Variants in ALK observed in about 807,000 individuals in gnomAD.
The protein encoded by ALK is ALK receptor tyrosine kinase.
ALK carries 74 observed loss-of-function variants against 163.1 expected under a neutral mutation model. That is an observed-to-expected ratio of 0.45 (90% CI 0.38 to 0.55). ALK has a LOEUF of 0.55. Ranked by LOEUF, ALK falls within the 20% of genes least tolerant of loss-of-function variation. The pLI is 0.00. For missense variants in ALK, 2,063 were observed against 2,105.3 expected (o/e 0.98, Z 0.39); for synonymous variants, 960 against 843.2 (o/e 1.14, Z -2.40).
chr2:29,852,291 T>C (rs1339339540), intron 1 of ALK, among the ~76,000 whole-genome samples: 1 of 152,072 alleles, frequency 6.6e-6, no homozygotes, highest in African/African-American at 2.4e-5. Flanking sequence ...CAGCAGACAA[T>C]GGGAGGTATA....
chr2:29,506,480 C>A (rs902581719), intron 4 of ALK, among the ~76,000 whole-genome samples: 8 of 152,160 alleles, frequency 5.3e-5, no homozygotes, highest in Non-Finnish European at 1.0e-4. Context: ...GCAGGATTGG[C>A]TCATGTCTGT....
intron 4 of ALK, among the ~76,000 whole-genome samples, chr2:29,499,568 C>T: frequency 6.6e-6 from 1 of 152,160 alleles, no homozygotes; most frequent in East Asian, 1.9e-4. Context: ...ACTTTTCTCC[C>T]ACACATCTCC....
intron 23 of ALK, among the ~76,000 whole-genome samples, chr2:29,215,364 G>A (rs142706002): frequency 1.4e-4 from 21 of 152,352 alleles, no homozygotes; most frequent in African/African-American, 4.3e-4. Context: ...GGGTCTGGAG[G>A]AGGTAGACAG....
intron 5 of ALK, among the ~76,000 whole-genome samples, chr2:29,348,093 A>G (rs1668004560): frequency 1.3e-5 from 2 of 152,292 alleles, no homozygotes; most frequent in Admixed American, 6.5e-5. Context: ...TTCAAGGACA[A>G]CAGGGCTGAA....
chr2:29,304,993 G>A (rs1285723984), intron 8 of ALK, among the ~76,000 whole-genome samples: 1 of 152,172 alleles, frequency 6.6e-6, no homozygotes, highest in Non-Finnish European at 1.5e-5. Flanking sequence ...AGTAGATGTG[G>A]GTAGGTCCTG....
Position 29,456,301 on chromosome 2 carries a change from T to G in ALK, c.1155-72442A>C, listed in dbSNP as rs545485909. Among the ~76,000 whole-genome samples, 72 of 152,038 alleles carry G rather than the reference T, an allele frequency of 4.7e-4. 1 individual carries two copies. Among genetic ancestry groups the G allele is most frequent in the Admixed American group, 2.9e-3 (44 of 15,266 alleles). On this transcript the variant is annotated intron_variant, in intron 4 of 28. Coordinates refer to ENST00000389048, the MANE Select transcript of ALK (RefSeq NM_004304.5). ...CATGGCAGCCAAAGTAGCCAAAAAGTAGAAACAACCTGTGTCCATTGACAG... is the reference window on the plus strand; with the variant it reads ...CATGGCAGCCAAAGTAGCCAAAAAGGAGAAACAACCTGTGTCCATTGACAG...
chr2:29,200,772 C>CAT (rs1558608793), intron 26 of ALK, among the ~76,000 whole-genome samples: 2,194 of 110,724 alleles, frequency 0.02, 90 homozygotes, highest in African/African-American at 0.071. Context: ...TATATATATA[C>CAT]GTATATATAT....
intron 4 of ALK, among the ~76,000 whole-genome samples, chr2:29,525,721 C>G (rs6709084): frequency 0.17 from 24,780 of 146,646 alleles, 2,330 homozygotes; most frequent in South Asian, 0.21. Flanking sequence ...ACCCAGGAGA[C>G]GGAGGCTGGC....
chr2:29,754,987 C>A (rs942127202), intron 1 of ALK, among the ~76,000 whole-genome samples: 1 of 152,072 alleles, frequency 6.6e-6, no homozygotes, highest in African/African-American at 2.4e-5. Flanking sequence ...TCTGGAAGAC[C>A]CCCACCCCAG....
At chr2:29,734,472 C>T (rs745548299) in intron 1 of ALK, among the ~76,000 whole-genome samples, 8 of 152,188 alleles carry the variant, frequency 5.3e-5, no homozygotes, top group Non-Finnish European at 7.4e-5. Context: ...AAATATACAT[C>T]GACCAGAGGG....
chr2:29,715,429 G>A (rs1443649143), intron 2 of ALK, among the ~76,000 whole-genome samples: 2 of 152,196 alleles, frequency 1.3e-5, no homozygotes, highest in Non-Finnish European at 2.9e-5. Flanking sequence ...TTTGCCCTAA[G>A]GTGGCATGCC....
chr2:29,719,852 A>G (rs1679374059), intron 1 of ALK, among the ~76,000 whole-genome samples: 1 of 152,162 alleles, frequency 6.6e-6, no homozygotes, highest in African/African-American at 2.4e-5. Flanking sequence ...CTGAGGTCAG[A>G]GGCCACCACT....
At chr2:29,675,682 C>A (rs75340543) in intron 3 of ALK, among the ~76,000 whole-genome samples, 1,876 of 152,036 alleles carry the variant, frequency 0.012, 45 homozygotes, top group African/African-American at 0.044. Context: ...TCGGACAATT[C>A]TTTACCTTCT....
chr2:29,225,500 C>G lies in ALK; in HGVS notation c.3133G>C (p.Val1045Leu), dbSNP rs200641396. The change falls in exon 19 of 29, where the codon GTG becomes CTG. Residue 1045 changes from valine (V) to leucine (L), a missense_variant. Coordinates refer to ENST00000389048, the MANE Select transcript of ALK (RefSeq NM_004304.5). Reference sequence around the variant, plus strand: ...GAGAAAGCCAGGACCAGGGCGGCCACGAGGGCAGAGGTCACCACAGAGAGG... The same window carrying G: ...GAGAAAGCCAGGACCAGGGCGGCCAGGAGGGCAGAGGTCACCACAGAGAGG... The part of the protein sequence containing the change: ...LILSVVTSAL[V>L]AALVLAFSGI... The G allele has an allele frequency of 6.2e-7, 1 of 1,613,432 alleles. No homozygotes were observed. The highest frequency in any genetic ancestry group is 1.1e-5 in the South Asian group (1 of 90,688).
In ALK at chr2:29,588,745, A is replaced by C. The variant is rs144910524; in HGVS notation, c.953-56629T>G. Reference sequence around the variant, plus strand: ...AATATGTAAGCAAATGAGTTTGGCTATTTCCTAACTAAACTTCATTTATGG... The same window carrying C: ...AATATGTAAGCAAATGAGTTTGGCTCTTTCCTAACTAAACTTCATTTATGG... On this transcript the variant is annotated intron_variant, in intron 3 of 28. Coordinates refer to ENST00000389048, the MANE Select transcript of ALK (RefSeq NM_004304.5). Among the ~76,000 whole-genome samples, 410 of 152,330 alleles carry C rather than the reference A, an allele frequency of 2.7e-3. 7 individuals carry two copies. Among genetic ancestry groups the C allele is most frequent in the African/African-American group, 9.4e-3 (392 of 41,574 alleles).
intron 3 of ALK, among the ~76,000 whole-genome samples, chr2:29,644,164 C>T (rs1482570611): frequency 6.8e-5 from 10 of 147,840 alleles, no homozygotes; most frequent in South Asian, 2.1e-4. Flanking sequence ...AACCAAACAC[C>T]GCATATTCTC....
intron 22 of ALK, 39 bp downstream of exon 22, chr2:29,222,305 G>A (rs1669824040): frequency 1.9e-6 from 3 of 1,594,628 alleles, no homozygotes. Context: ...TTTGGGGGCA[G>A]AGGGGAGTTG....
chr2:29,592,714 C>A (rs188756473), intron 3 of ALK, among the ~76,000 whole-genome samples: 10 of 152,276 alleles, frequency 6.6e-5, no homozygotes, highest in African/African-American at 2.2e-4. Context: ...GCAAGGGAGA[C>A]CTTGTGTGGT....
rs73920775 is a variant in ALK, at chr2:29,318,209, A to T, written c.1647+95T>A. 1,634 of 1,040,198 alleles carry T rather than the reference A, an allele frequency of 1.6e-3. 25 individuals carry two copies. The African/African-American group carries it at 0.022, about 14-fold the overall frequency. The allele number at this position is 1,040,198 out of a possible 1,614,324, so 64.4% of individuals were successfully genotyped here. ...TTGTTCTCTCCCCAGGAGAACGACC[A>T]GCCCAGCCAGCTAGGCTACTTTCTT... On this transcript the variant is annotated intron_variant, in intron 8 of 28. Transcript: ENST00000389048.
Sources: allele counts gnomAD v4.1 joint callset (sites outside exome capture counted in the v4.1 genomes callset), GRCh38; gene constraint gnomAD v4.1.1; transcripts MANE v1.5; gene names NCBI Gene and HGNC (gene_info 2026-07-23, HGNC 2026-07-21).